The following RREB1 variants were observed in gnomAD, a reference collection of about 807,000 sequenced individuals.
RREB1 encodes ras responsive element binding protein 1, also known as ras-responsive element-binding protein 1.
In RREB1, 27 loss-of-function variants were observed where a neutral mutation model predicts 117.8. The ratio of observed to expected loss-of-function variants is 0.23; its 90% CI spans 0.17 to 0.32. RREB1 has a LOEUF of 0.32. Among genes scored for constraint, RREB1 ranks in the 10% least tolerant of loss-of-function variants. The pLI is 1.00. For missense variants in RREB1, 2,577 were observed against 2,378.2 expected, an observed-to-expected ratio of 1.08 and a Z score of -1.74; for synonymous variants, 1,298 against 1,026.7, an observed-to-expected ratio of 1.26 and a Z score of -5.05.
Position 7,230,561 on chromosome 6 carries a change from T to C in RREB1, c.2462T>C (p.Ile821Thr). 6.2e-7 allele frequency: 1 copy of C among 1,601,482 alleles called. No homozygotes were observed. Among genetic ancestry groups the C allele is most frequent in the East Asian group, 2.2e-5 (1 of 44,580 alleles). ...CACCTGCACGTGCCCGAGCAGGACATCGAGAGCTACGTGCTGGCCGCCGAC... is the reference window on the plus strand; with the variant it reads ...CACCTGCACGTGCCCGAGCAGGACACCGAGAGCTACGTGCTGGCCGCCGAC... ...KQHLHVPEQD[I>T]ESYVLAADGL... The change falls in exon 10 of 13, where the codon ATC (isoleucine) becomes ACC (threonine). Residue 821 changes from isoleucine (I) to threonine (T), a missense_variant. Coordinates refer to ENST00000379938, the MANE Select transcript of RREB1 (RefSeq NM_001003699.4).
Position 7,246,912 on chromosome 6 carries a change from G to C in RREB1, c.4462G>C (p.Glu1488Gln). Residue 1488 changes from glutamate (E) to glutamine (Q), a missense_variant, in exon 12 of 13, where the codon GAG (glutamate) becomes CAG (glutamine). Physicochemically the swap from Glu to Gln is conservative, Grantham distance 29 (BLOSUM62 2). Transcript: ENST00000379938. ...EKGDGASTAE[E>Q]GPQPAPEQEE... is the part of the protein sequence containing the mutation. Reference sequence around the variant, plus strand: ...GGGAGATGGCGCCAGCACTGCAGAGGAGGGGCCCCAGCCCGCCCCTGAACA... The same window carrying C: ...GGGAGATGGCGCCAGCACTGCAGAGCAGGGGCCCCAGCCCGCCCCTGAACA... The C allele has an allele frequency of 6.4e-7, 1 of 1,554,980 alleles. No individual in the cohort carries two copies. The highest frequency in any genetic ancestry group is 8.7e-7 in the Non-Finnish European group (1 of 1,150,054).
At chr6:7,142,220 T>TAAAA (rs34787582) in intron 1 of RREB1, among the ~76,000 whole-genome samples, 1 of 141,056 alleles carries the variant, frequency 7.1e-6, no homozygotes, top group Admixed American at 7.0e-5. Flanking sequence ...CGTCTTAATT[T>TAAAA]AAAAAAAAAA....
At chr6:7,244,974 G>A (rs867305639) in intron 11 of RREB1, among the ~76,000 whole-genome samples, 2 of 152,222 alleles carry the variant, frequency 1.3e-5, no homozygotes, top group African/African-American at 4.8e-5. Flanking sequence ...GGTTAGGTGC[G>A]TGAATCTGCT....
chr6:7,108,316 T>TTCC (rs143321297), intron 1 of RREB1, among the ~76,000 whole-genome samples: 2,910 of 148,150 alleles, frequency 0.02, 87 homozygotes, highest in African/African-American at 0.062. Flanking sequence ...CGCCGGGCCA[T>TTCC]TCCTCCTCCT....
intron 10 of RREB1, among the ~76,000 whole-genome samples, chr6:7,233,689 G>GT (rs1768134413): frequency 6.6e-6 from 1 of 152,156 alleles, no homozygotes; most frequent in Non-Finnish European, 1.5e-5. Flanking sequence ...TAGTCAGGAG[G>GT]TTTATGACAG....
At chr6:7,177,520 T>C (rs1764564976) in intron 2 of RREB1, among the ~76,000 whole-genome samples, 1 of 152,030 alleles carries the variant, frequency 6.6e-6, no homozygotes, top group African/African-American at 2.4e-5. Flanking sequence ...GAAGAGATTA[T>C]ATTAGAATAT....
chr6:7,126,209 T>C (rs559129490), intron 1 of RREB1, among the ~76,000 whole-genome samples: 57 of 151,990 alleles, frequency 3.8e-4, no homozygotes, highest in Non-Finnish European at 6.2e-4. Flanking sequence ...ACTATGTTGG[T>C]CAGGCTGGCC....
chr6:7,209,694 C>T (rs1438217047), intron 6 of RREB1, among the ~76,000 whole-genome samples: 3 of 151,778 alleles, frequency 2.0e-5, no homozygotes, highest in Non-Finnish European at 4.4e-5. Context: ...CACTGCACTC[C>T]AGCCTGGGCG....
intron 1 of RREB1, among the ~76,000 whole-genome samples, chr6:7,115,027 T>A (rs1423487932): frequency 6.6e-6 from 1 of 152,060 alleles, no homozygotes; most frequent in African/African-American, 2.4e-5. Context: ...AGCCCTTACT[T>A]GCTTAACAGT....
intron 8 of RREB1, among the ~76,000 whole-genome samples, chr6:7,220,136 C>A (rs745312574): frequency 2.0e-5 from 3 of 152,176 alleles, no homozygotes; most frequent in African/African-American, 2.4e-5. Context: ...CAGCGACTGG[C>A]GTGTCATACA....
At position 7,251,823 on chromosome 6, in the gene RREB1, C is replaced by T. The variant is rs1187151278; in HGVS notation, c.*2855C>T. On this transcript the variant is annotated 3_prime_UTR_variant, in exon 13 of 13. Coordinates refer to ENST00000379938, the MANE Select transcript of RREB1 (RefSeq NM_001003699.4). ...CTGCTGCTACATGTTATGTACAAAACTGGTTTATGCCACATGAACAGAGAA... is the reference window on the plus strand; with the variant it reads ...CTGCTGCTACATGTTATGTACAAAATTGGTTTATGCCACATGAACAGAGAA... The T allele has an allele frequency of 6.6e-6, 1 of 152,246 alleles. No homozygotes were observed. The highest frequency in any genetic ancestry group is 1.5e-5 in the Non-Finnish European group (1 of 68,044). 9.4% of individuals were successfully genotyped at this position (152,246 alleles called of 1,614,324 possible).
chr6:7,251,930 T>C lies in RREB1; in HGVS notation c.*2962T>C, dbSNP rs1232161332. 3.3e-5 allele frequency: 5 copies of C among 152,248 alleles called. No homozygotes were observed. The highest frequency in any genetic ancestry group is 7.3e-5 in the Non-Finnish European group (5 of 68,046). The allele number at this position is 152,248 out of a possible 1,614,324, so 9.4% of individuals were successfully genotyped here. On this transcript the variant is annotated 3_prime_UTR_variant, in exon 13 of 13. Coordinates refer to ENST00000379938, the MANE Select transcript of RREB1 (RefSeq NM_001003699.4). ...TCCAAATTCAGAATGAGAAGAAAGC[T>C]GTTCTGTATCAAACCATTTAAGCAA...
rs570060045 is a variant in RREB1, at chr6:7,180,441, G to A, written c.-165-683G>A. Among the ~76,000 whole-genome samples, 19 of 152,320 alleles carry A rather than the reference G, an allele frequency of 1.2e-4. No homozygotes were observed. In the South Asian group the frequency reaches 3.3e-3, roughly 27 times the overall value. On this transcript the variant is annotated intron_variant, in intron 2 of 12. Coordinates refer to ENST00000379938, the MANE Select transcript of RREB1 (RefSeq NM_001003699.4). ...GATCTTCAGCTGCTGTTGTGGACTC[G>A]TAGAATTTATTAGCACACATTGTGG...
At chr6:7,132,296 C>A (rs1762187109) in intron 1 of RREB1, among the ~76,000 whole-genome samples, 2 of 152,108 alleles carry the variant, frequency 1.3e-5, no homozygotes, top group African/African-American at 4.8e-5. Context: ...CTCAGGTGAT[C>A]TACCTGCCTC....
At chr6:7,240,141 TGTC>T (rs1051004714) in intron 10 of RREB1, among the ~76,000 whole-genome samples, 37 of 152,242 alleles carry the variant, frequency 2.4e-4, no homozygotes, top group African/African-American at 8.2e-4. Flanking sequence ...TTTTTTTTGT[TGTC>T]GTTAATATTT....
intron 1 of RREB1, among the ~76,000 whole-genome samples, chr6:7,159,494 C>T (rs1263065818): frequency 6.6e-6 from 1 of 152,212 alleles, no homozygotes; most frequent in African/African-American, 2.4e-5. Context: ...AAAATTATAA[C>T]TGTTTATTAC....
intron 1 of RREB1, among the ~76,000 whole-genome samples, chr6:7,120,472 A>G (rs1028404192): frequency 7.9e-5 from 12 of 152,074 alleles, no homozygotes; most frequent in Non-Finnish European, 1.5e-5. Flanking sequence ...AAAAAAGTAC[A>G]TGGCATGGAT....
At chr6:7,221,921 T>C (rs1262210050) in intron 8 of RREB1, among the ~76,000 whole-genome samples, 3 of 152,354 alleles carry the variant, frequency 2.0e-5, no homozygotes, top group Admixed American at 2.0e-4. Flanking sequence ...CTGATTTCTT[T>C]TTTTCCCTAG....
Position 7,182,100 on chromosome 6 carries a change from G to C in RREB1, c.171+18G>C. ...GGAACCAGGTAAGTGTTCACACCTA[G>C]TGGTGACCTCTGGTGGGTTCAATCC... On this transcript the variant is annotated intron_variant, in intron 4 of 12. Coordinates refer to ENST00000379938, the MANE Select transcript of RREB1 (RefSeq NM_001003699.4). The C allele has an allele frequency of 6.2e-7, 1 of 1,610,788 alleles. No homozygotes were observed. The highest frequency in any genetic ancestry group is 2.2e-5 in the East Asian group (1 of 44,808).
Sources: allele counts gnomAD v4.1 joint callset (sites outside exome capture counted in the v4.1 genomes callset), GRCh38; gene constraint gnomAD v4.1.1; transcripts MANE v1.5; gene names NCBI Gene and HGNC (gene_info 2026-07-23, HGNC 2026-07-21).